LDLRAD4: variants seen among roughly 807,000 people sequenced by gnomAD.
LDLRAD4 encodes low density lipoprotein receptor class A domain containing 4, also known as low-density lipoprotein receptor class A domain-containing protein 4.
Under a neutral mutation model 17.0 loss-of-function variants are expected in LDLRAD4, and 5 were observed. That is an observed-to-expected ratio of 0.29 (90% CI 0.15 to 0.62). The LOEUF (loss-of-function observed/expected upper bound fraction) is 0.62, where lower values mean the gene tolerates loss of function less well. Ranked by LOEUF, LDLRAD4 falls within the 20% of genes least tolerant of loss-of-function variation. The probability of loss-of-function intolerance (pLI) is 0.84; values close to 1 mark genes in which losing one functional copy is unlikely to be tolerated. For missense variants in LDLRAD4, 340 were observed against 424.7 expected (o/e 0.80, Z 1.75); for synonymous variants, 168 against 171.8 (o/e 0.98, Z 0.17).
At chr18:13,527,322 A>T (rs184866458) in intron 3 of LDLRAD4, among the ~76,000 whole-genome samples, 77 of 152,380 alleles carry the variant, frequency 5.1e-4, no homozygotes, top group African/African-American at 1.8e-3. Flanking sequence ...CGCTTGGCAT[A>T]TGCCCTTGTC....
At chr18:13,281,677 G>A (rs1304873849) in intron 1 of LDLRAD4, among the ~76,000 whole-genome samples, 1 of 152,146 alleles carries the variant, frequency 6.6e-6, no homozygotes, top group African/African-American at 2.4e-5. Flanking sequence ...CCCAGGTTTG[G>A]GGGTTCTATT....
chr18:13,269,575 T>C (rs74734661), intron 1 of LDLRAD4, among the ~76,000 whole-genome samples: 5 of 151,908 alleles, frequency 3.3e-5, no homozygotes, highest in African/African-American at 9.7e-5. Flanking sequence ...TTTTTTTTTT[T>C]CCTGAGGGGA....
At chr18:13,578,825 G>GTTTTTTTTTTTTTTTTTTTTTTTTT (rs1286958694) in intron 3 of LDLRAD4, among the ~76,000 whole-genome samples, 4 of 49,884 alleles carry the variant, frequency 8.0e-5, no homozygotes, top group Non-Finnish European at 1.6e-4. Flanking sequence ...AGTTGTCCGG[G>GTTTTTTTTTTTTTTTTTTTTTTTTT]TCTTTTTTTT....
At chr18:13,350,790 C>T (rs1486644268) in intron 1 of LDLRAD4, among the ~76,000 whole-genome samples, 2 of 152,178 alleles carry the variant, frequency 1.3e-5, no homozygotes, top group African/African-American at 4.8e-5. Context: ...TTTAATCCAT[C>T]TTGAGTTAAT....
At chr18:13,564,900 C>T (rs1295888091) in intron 3 of LDLRAD4, 2 of 152,268 alleles carry the variant, frequency 1.3e-5, no homozygotes, top group South Asian at 2.1e-4. Context: ...TCCATACCTC[C>T]TGCCTCCCCA....
At chr18:13,308,581 G>C (rs1426467419) in intron 1 of LDLRAD4, among the ~76,000 whole-genome samples, 1 of 152,202 alleles carries the variant, frequency 6.6e-6, no homozygotes, top group South Asian at 2.1e-4. Context: ...CTCACTGGTA[G>C]ACTGGGTCAC....
At chr18:13,620,027 T>C (rs2040466539) in intron 3 of LDLRAD4, among the ~76,000 whole-genome samples, 1 of 151,830 alleles carries the variant, frequency 6.6e-6, no homozygotes, top group Non-Finnish European at 1.5e-5. Context: ...GGGTAGGACA[T>C]GTGGGGATCC....
At chr18:13,612,655 C>T (rs368803576) in intron 3 of LDLRAD4, 6 of 1,612,562 alleles carry the variant, frequency 3.7e-6, no homozygotes, top group East Asian at 2.2e-5. Context: ...ATGCTTTGAA[C>T]GTGGGGGGGC....
chr18:13,586,155 C>T (rs918096694), intron 3 of LDLRAD4, among the ~76,000 whole-genome samples: 10 of 151,690 alleles, frequency 6.6e-5, no homozygotes, highest in Non-Finnish European at 1.3e-4. Flanking sequence ...ACACCTGTAA[C>T]CCAGCATTTT....
At chr18:13,337,432 C>A (rs892443962) in intron 1 of LDLRAD4, among the ~76,000 whole-genome samples, 1 of 152,100 alleles carries the variant, frequency 6.6e-6, no homozygotes, top group African/African-American at 2.4e-5. Context: ...AAATGGAGTT[C>A]AAAAATTCCA....
At chr18:13,416,938 G>T (rs979580050) in intron 2 of LDLRAD4, among the ~76,000 whole-genome samples, 4 of 152,182 alleles carry the variant, frequency 2.6e-5, no homozygotes, top group African/African-American at 9.7e-5. Context: ...AACGTGTGAG[G>T]TAGGTACTAT....
In LDLRAD4 at chr18:13,636,373, ATGT is replaced by A. The variant is rs1411563682; in HGVS notation, c.337-6981_337-6979del. Among the ~76,000 whole-genome samples, 3 of 152,034 alleles carry A rather than the reference ATGT, an allele frequency of 2.0e-5. No homozygotes were observed. The East Asian group carries it at 5.8e-4, about 29-fold the overall frequency. On this transcript the variant is annotated intron_variant, in intron 4 of 5. Transcript: ENST00000359446. ...TAGTGGAACAGCCAGGTTTAAACAC[ATGT>A]TGTTCAACGGTCCACTGTATTCATT...
chr18:13,266,334 A>C (rs2044215240), intron 1 of LDLRAD4, among the ~76,000 whole-genome samples: 1 of 152,188 alleles, frequency 6.6e-6, no homozygotes, highest in Non-Finnish European at 1.5e-5. Context: ...CCTCGAGGGC[A>C]GGGCGTGGCT....
At chr18:13,318,948 GCAGCTTTCTGGCT>G (rs2081076530) in intron 1 of LDLRAD4, among the ~76,000 whole-genome samples, 1 of 152,152 alleles carries the variant, frequency 6.6e-6, no homozygotes, top group Admixed American at 6.6e-5. Flanking sequence ...CCTTTGTTGC[GCAGCTTTCTGGCT>G]TTAAATGAGG....
chr18:13,359,085 T>C (rs2083508101), intron 1 of LDLRAD4, among the ~76,000 whole-genome samples: 1 of 152,196 alleles, frequency 6.6e-6, no homozygotes, highest in African/African-American at 2.4e-5. Context: ...GCTTGGTGTT[T>C]TCATCAGTGC....
rs573436253 is a variant in LDLRAD4, at chr18:13,455,842, C to A, written c.181+17458C>A. Among the ~76,000 whole-genome samples the A allele has an allele frequency of 5.9e-5, 9 of 152,218 alleles. No homozygotes were observed. The South Asian group carries it at 1.7e-3, about 28-fold the overall frequency. The stretch of plus-strand genomic sequence containing the variant: ...GCTAAGATAAATGGATGATAAATTG[C>A]AGTTGTATATTTTTAAGATTATGAA... On this transcript the variant is annotated intron_variant, in intron 3 of 5. Coordinates refer to ENST00000359446, the Ensembl canonical transcript of LDLRAD4.
intron 2 of LDLRAD4, among the ~76,000 whole-genome samples, chr18:13,396,248 A>G (rs1371622423): frequency 6.6e-6 from 1 of 152,250 alleles, no homozygotes; most frequent in Non-Finnish European, 1.5e-5. Context: ...GGGCAAAAAA[A>G]GAATACAAAA....
At chr18:13,481,166 C>T (rs1035564872) in intron 3 of LDLRAD4, among the ~76,000 whole-genome samples, 1 of 152,198 alleles carries the variant, frequency 6.6e-6, no homozygotes, top group Non-Finnish European at 1.5e-5. Flanking sequence ...TGGCTGTCCT[C>T]CCGTCATCTT....
rs534798084 is a variant in LDLRAD4, at chr18:13,459,159, C to CAA, written c.181+20806_181+20807dup. ...ACATAGTGAGACTCCATCTCTACAC[C>CAA]AAAAAAAAAAAAAAAAAAAAAAAAA... On this transcript the variant is annotated intron_variant, in intron 3 of 5. Transcript: ENST00000359446. Among the ~76,000 whole-genome samples, 342 of 53,736 alleles carry CAA rather than the reference C, an allele frequency of 6.4e-3. 26 individuals are homozygous for CAA. The highest frequency in any genetic ancestry group is 0.014 in the East Asian group (15 of 1,058). The allele number at this position is 53,736 out of a possible 152,430, so 35.3% of individuals were successfully genotyped here. A position where few individuals can be genotyped will look rare whatever the true frequency, so the allele number is the denominator to read the frequency against.
Sources: gnomAD v4.1 joint callset for allele counts (sites outside exome capture counted in the v4.1 genomes callset) on GRCh38, gnomAD v4.1.1 for gene constraint, MANE v1.5 for transcripts, NCBI Gene and HGNC (gene_info 2026-07-23, HGNC 2026-07-21) for gene names.